Variants in DNAH3 observed in about 807,000 individuals in gnomAD.
DNAH3 encodes the protein axonemal beta dynein heavy chain 3.
Under a neutral mutation model 432.5 loss-of-function variants are expected in DNAH3, and 332 were observed. The ratio of observed to expected loss-of-function variants is 0.77; its 90% CI spans 0.70 to 0.84. The LOEUF is 0.84. Ranked by LOEUF, DNAH3 falls within the 40% of genes least tolerant of loss-of-function variation. The pLI is 0.00. For missense variants in DNAH3, 4,861 were observed against 5,114.0 expected, an observed-to-expected ratio of 0.95 and a Z score of 1.51; for synonymous variants, 1,956 against 1,900.2, an observed-to-expected ratio of 1.03 and a Z score of -0.76.
In DNAH3 at chr16:21,003,156, GT is replaced by G. The variant is rs2087113654; in HGVS notation, c.6073del (p.Thr2025ArgfsTer36). 1 of 1,612,554 alleles carries G rather than the reference GT, an allele frequency of 6.2e-7. No individual in the cohort carries two copies. The highest frequency in any genetic ancestry group is 1.3e-5 in the African/African-American group (1 of 74,802). On this transcript the variant is annotated frameshift_variant, in exon 42 of 62. Coordinates refer to ENST00000261383, the Ensembl canonical transcript of DNAH3. LOFTEE classifies it high-confidence loss of function. ...CTCTTTGGTGATATACTGTGTCCAC[GT>G]TTCCCAATGTCCACTAGCTTGTTTG... is the stretch of plus-strand genomic sequence containing the variant.
intron 44 of DNAH3, among the ~76,000 whole-genome samples, chr16:20,989,087 A>C (rs190324506): frequency 2.0e-5 from 3 of 152,334 alleles, no homozygotes; most frequent in Admixed American, 6.5e-5. Context: ...AAGCTTCCAC[A>C]GTGCGGAAAG....
chr16:21,025,721 T>TTTG (rs553060469), intron 38 of DNAH3, among the ~76,000 whole-genome samples: 1,547 of 151,748 alleles, frequency 0.01, 26 homozygotes, highest in African/African-American at 0.035. Context: ...AATTCACTCT[T>TTTG]TTGTTGTTGT....
At chr16:21,054,519 T>C (rs140419066) in exon 28 of DNAH3, 1 of 1,613,986 alleles carries the variant, frequency 6.2e-7, no homozygotes, top group Admixed American at 1.7e-5. Context: ...TGATCATTGC[T>C]CTTTTTCAGA....
intron 14 of DNAH3, among the ~76,000 whole-genome samples, chr16:21,107,743 C>T: frequency 6.6e-6 from 1 of 152,182 alleles, no homozygotes; most frequent in East Asian, 1.9e-4. Flanking sequence ...ACGGTCTTGG[C>T]ATCTTAACTA....
chr16:21,112,040 T>C (rs777947135), exon 13 of DNAH3: 5 of 1,613,872 alleles, frequency 3.1e-6, no homozygotes, highest in Admixed American at 1.7e-5. Flanking sequence ...AACGCAGCGA[T>C]GTTTTGCTCT....
Position 20,985,679 on chromosome 16 carries a change from C to T in DNAH3, c.7063G>A (p.Asp2355Asn), listed in dbSNP as rs548803556. The change falls in exon 48 of 62, where the codon GAT becomes AAT. Residue 2355 changes from aspartate to asparagine, a missense_variant. Asp to Asn is a conservative substitution (Grantham distance 23). Transcript: ENST00000261383. Reference sequence around the variant, plus strand: ...AAGAAGAGGCTTCGAATGTTATCATCGACTATCTTTCCAGTGGGTGACAAG... The same window carrying T: ...AAGAAGAGGCTTCGAATGTTATCATTGACTATCTTTCCAGTGGGTGACAAG... 32 of 1,614,038 alleles carry T rather than the reference C, an allele frequency of 2.0e-5. No individual in the cohort carries two copies. In the East Asian group the frequency reaches 2.7e-4, roughly 13 times the overall value.
At chr16:21,107,230 AT>A (rs1299878872) in intron 14 of DNAH3, among the ~76,000 whole-genome samples, 1 of 140,126 alleles carries the variant, frequency 7.1e-6, no homozygotes, top group Non-Finnish European at 1.5e-5. Context: ...CACTAAATTA[AT>A]TTTTAATCTT....
chr16:21,137,972 G>T (rs1191350313), intron 5 of DNAH3, among the ~76,000 whole-genome samples: 1 of 152,084 alleles, frequency 6.6e-6, no homozygotes, highest in South Asian at 2.1e-4. Flanking sequence ...TGCTGGCCAG[G>T]CACGGTGGCT....
intron 12 of DNAH3, among the ~76,000 whole-genome samples, chr16:21,115,994 T>A (rs1387628658): frequency 1.3e-5 from 2 of 152,034 alleles, no homozygotes; most frequent in Non-Finnish European, 1.5e-5. Context: ...CATGCATAAT[T>A]CCTACAAGGA....
intron 51 of DNAH3, among the ~76,000 whole-genome samples, chr16:20,973,264 T>TC (rs963209501): frequency 1.3e-5 from 2 of 152,068 alleles, no homozygotes; most frequent in African/African-American, 4.8e-5. Flanking sequence ...CTTTTTTTTT[T>TC]CTTTTTGAGA....
intron 61 of DNAH3, among the ~76,000 whole-genome samples, chr16:20,934,098 G>T (rs940974228): frequency 2.0e-5 from 3 of 152,104 alleles, no homozygotes; most frequent in Non-Finnish European, 4.4e-5. Flanking sequence ...TGCAGAAAAT[G>T]GACAAAGCAT....
intron 8 of DNAH3, among the ~76,000 whole-genome samples, chr16:21,125,644 C>T (rs907445438): frequency 5.3e-4 from 80 of 152,340 alleles, no homozygotes; most frequent in Non-Finnish European, 7.3e-4. Context: ...AGAGTCTACA[C>T]TTTCTTCATT....
chr16:21,000,604 T>C, intron 42 of DNAH3, 86 bp from the exon 43 acceptor site: 1 of 1,217,142 alleles, frequency 8.2e-7, no homozygotes, highest in Non-Finnish European at 1.2e-6. Flanking sequence ...GTTTACATTC[T>C]AGCTCCATCC....
chr16:21,060,443 C>T (rs571346135), intron 25 of DNAH3, 87 bp from the exon 26 acceptor site: 11 of 981,628 alleles, frequency 1.1e-5, no homozygotes, highest in Middle Eastern at 2.2e-4. Flanking sequence ...TCTCTCTGGA[C>T]ACGGCTGGAG....
At chr16:20,935,572 A>G in intron 60 of DNAH3, 87 bp from the exon 61 acceptor site, 3 of 1,448,168 alleles carry the variant, frequency 2.1e-6, no homozygotes, top group East Asian at 2.5e-5. Flanking sequence ...ACCATATAAA[A>G]TATGTTTTTT....
chr16:20,941,434 G>T, exon 59 of DNAH3: 1 of 1,614,000 alleles, frequency 6.2e-7, no homozygotes, highest in Non-Finnish European at 8.5e-7. Flanking sequence ...CCTTAGGACG[G>T]TATTCATGGA....
chr16:21,031,265 G>A (rs1331078502), exon 37 of DNAH3: 2 of 1,614,176 alleles, frequency 1.2e-6, no homozygotes, highest in South Asian at 1.1e-5. Flanking sequence ...GTACTCCACA[G>A]CAAACTCCTC....
Position 20,941,379 on chromosome 16 carries a change from C to G in DNAH3, c.11654+22G>C, listed in dbSNP as rs1320079581. On this transcript the variant is annotated intron_variant, in intron 59 of 61. Transcript: ENST00000261383. ...TCCTCACGTTCCAACTCCCAGGATTCAAGCTACATCATCTGGCCCACCTGT... is the reference window on the plus strand; with the variant it reads ...TCCTCACGTTCCAACTCCCAGGATTGAAGCTACATCATCTGGCCCACCTGT... The G allele has an allele frequency of 4.3e-6, 7 of 1,613,134 alleles. No individual in the cohort carries two copies. In the Admixed American group the frequency reaches 1.2e-4, roughly 27 times the overall value.
intron 44 of DNAH3, among the ~76,000 whole-genome samples, chr16:20,992,803 A>G (rs929467989): frequency 6.6e-6 from 1 of 152,214 alleles, no homozygotes; most frequent in African/African-American, 2.4e-5. Context: ...TTCAGTGGAC[A>G]TTAAACATCA....
Sources: allele counts gnomAD v4.1 joint callset (sites outside exome capture counted in the v4.1 genomes callset), GRCh38; gene constraint gnomAD v4.1.1; transcripts MANE v1.5; gene names NCBI Gene and HGNC (gene_info 2026-07-23, HGNC 2026-07-21).